Variants in CSMD1 observed in about 807,000 individuals in gnomAD.
CSMD1 encodes the protein CUB and Sushi multiple domains 1.
Under a neutral mutation model 417.5 loss-of-function variants are expected in CSMD1, and 213 were observed. That is an observed-to-expected ratio of 0.51 (90% confidence interval 0.46 to 0.57). The LOEUF (loss-of-function observed/expected upper bound fraction) is 0.57, where lower values mean the gene tolerates loss of function less well. Among genes scored for constraint, CSMD1 ranks in the 20% least tolerant of loss-of-function variants. The pLI, the probability that CSMD1 is intolerant of heterozygous loss-of-function variation, is 0.00. For synonymous variants in CSMD1, 2,862 were observed against 1,736.8 expected, an observed-to-expected ratio of 1.65 and a Z score of -16.11; for missense variants, 6,923 against 4,529.7, an observed-to-expected ratio of 1.53 and a Z score of -15.17.
At chr8:3,665,388 G>T (rs1250981886) in intron 7 of CSMD1, among the ~76,000 whole-genome samples, 1 of 152,080 alleles carries the variant, frequency 6.6e-6, no homozygotes, top group African/African-American at 2.4e-5. Flanking sequence ...AATTAGCCAG[G>T]TGTGGTGGCA....
chr8:3,974,086 T>C (rs1253311443), intron 5 of CSMD1, among the ~76,000 whole-genome samples: 3 of 147,358 alleles, frequency 2.0e-5, no homozygotes, highest in Non-Finnish European at 2.9e-5. Flanking sequence ...TGGTAGGTCT[T>C]ATTTATTATT....
intron 10 of CSMD1, among the ~76,000 whole-genome samples, chr8:3,529,478 A>C (rs1431613769): frequency 6.6e-6 from 1 of 152,202 alleles, no homozygotes; most frequent in Admixed American, 6.5e-5. Context: ...TAAAGGAAGA[A>C]ATTGGGATTA....
At chr8:4,451,302 C>G (rs1357128060) in intron 2 of CSMD1, among the ~76,000 whole-genome samples, 1 of 152,100 alleles carries the variant, frequency 6.6e-6, no homozygotes, top group Non-Finnish European at 1.5e-5. Flanking sequence ...CTCCATCAAT[C>G]AACCACTGCA....
At chr8:4,356,070 C>T (rs544766835) in intron 3 of CSMD1, among the ~76,000 whole-genome samples, 2 of 152,298 alleles carry the variant, frequency 1.3e-5, no homozygotes, top group Admixed American at 6.5e-5. Flanking sequence ...GCAGTGTACA[C>T]TGCACCATAT....
chr8:3,328,932 C>A (rs17080008), intron 23 of CSMD1, among the ~76,000 whole-genome samples: 4 of 152,074 alleles, frequency 2.6e-5, no homozygotes, highest in Admixed American at 6.6e-5. Flanking sequence ...TTTATTATAA[C>A]GTGCTTGGGC....
At chr8:4,006,880 T>C (rs1018949359) in intron 4 of CSMD1, among the ~76,000 whole-genome samples, 1 of 131,760 alleles carries the variant, frequency 7.6e-6, no homozygotes, top group Non-Finnish European at 1.5e-5. Flanking sequence ...CAGGCTGGAG[T>C]GCAGTGGCGT....
At chr8:3,292,375 G>A (rs898925168) in intron 25 of CSMD1, among the ~76,000 whole-genome samples, 3 of 151,950 alleles carry the variant, frequency 2.0e-5, no homozygotes, top group South Asian at 2.1e-4. Flanking sequence ...CAATTCCTGG[G>A]TATCCTTGTT....
intron 2 of CSMD1, among the ~76,000 whole-genome samples, chr8:4,448,750 CAT>C (rs1411561897): frequency 6.6e-6 from 1 of 152,140 alleles, no homozygotes; most frequent in African/African-American, 2.4e-5. Flanking sequence ...TTCTGAATGA[CAT>C]AATGACAACC....
At chr8:3,273,619 T>G (rs1452848543) in intron 26 of CSMD1, among the ~76,000 whole-genome samples, 1 of 152,240 alleles carries the variant, frequency 6.6e-6, no homozygotes, top group Admixed American at 6.5e-5. Flanking sequence ...CTCCTGTTTT[T>G]GGTCTATTCA....
At chr8:2,957,237 A>G in intron 63 of CSMD1, among the ~76,000 whole-genome samples, 1 of 152,246 alleles carries the variant, frequency 6.6e-6, no homozygotes, top group South Asian at 2.1e-4. Flanking sequence ...TTCTACTTAG[A>G]CTCTGACATA....
chr8:4,448,462 A>C (rs992846759), intron 2 of CSMD1, among the ~76,000 whole-genome samples: 4 of 152,184 alleles, frequency 2.6e-5, no homozygotes, highest in South Asian at 2.1e-4. Context: ...ATTTTCCCTT[A>C]AATACTTTCC....
At chr8:3,370,898 C>T (rs1364685264) in intron 18 of CSMD1, among the ~76,000 whole-genome samples, 1 of 152,060 alleles carries the variant, frequency 6.6e-6, no homozygotes, top group East Asian at 1.9e-4. Context: ...ATCACTTAAA[C>T]CCGGGATGCG....
At chr8:4,897,930 T>G (rs1183409794) in intron 1 of CSMD1, among the ~76,000 whole-genome samples, 1 of 152,140 alleles carries the variant, frequency 6.6e-6, no homozygotes, top group African/African-American at 2.4e-5. Flanking sequence ...GACATTAGAT[T>G]CTAAACATAA....
intron 10 of CSMD1, among the ~76,000 whole-genome samples, chr8:3,495,887 T>C (rs1249476024): frequency 2.0e-5 from 3 of 152,144 alleles, no homozygotes; most frequent in Non-Finnish European, 4.4e-5. Context: ...TCCATATTTC[T>C]TTTTTTACAT....
chr8:4,619,535 C>G (rs1801653938), intron 2 of CSMD1, among the ~76,000 whole-genome samples: 1 of 152,140 alleles, frequency 6.6e-6, no homozygotes, highest in African/African-American at 2.4e-5. Flanking sequence ...AAACGTTTTG[C>G]TAAGCTCTAA....
chr8:3,828,277 C>T (rs907728527), intron 5 of CSMD1, among the ~76,000 whole-genome samples: 4 of 152,196 alleles, frequency 2.6e-5, no homozygotes, highest in Non-Finnish European at 2.9e-5. Flanking sequence ...ATGGCTCTTC[C>T]GAACATGCTT....
intron 21 of CSMD1, among the ~76,000 whole-genome samples, chr8:3,356,981 G>C (rs1303803444): frequency 6.6e-6 from 1 of 152,090 alleles, no homozygotes; most frequent in East Asian, 1.9e-4. Context: ...CGGCCCCTGG[G>C]GTTGGTGGGG....
chr8:4,401,578 AT>A (rs1260121677), intron 3 of CSMD1, among the ~76,000 whole-genome samples: 1 of 151,970 alleles, frequency 6.6e-6, no homozygotes, highest in Admixed American at 6.6e-5. Flanking sequence ...GTCTAGACCA[AT>A]CCATCATGTC....
chr8:4,776,141 C>G (rs1796842063), intron 1 of CSMD1, among the ~76,000 whole-genome samples: 1 of 151,968 alleles, frequency 6.6e-6, no homozygotes, highest in South Asian at 2.1e-4. Flanking sequence ...TCCAGAACAC[C>G]AAGGTGAAGA....
Sources: gnomAD v4.1 joint callset for allele counts (sites outside exome capture counted in the v4.1 genomes callset) on GRCh38, gnomAD v4.1.1 for gene constraint, MANE v1.5 for transcripts, NCBI Gene and HGNC (gene_info 2026-07-23, HGNC 2026-07-21) for gene names.